Variants in AOPEP observed in about 807,000 individuals in gnomAD.
The protein encoded by AOPEP is aminopeptidase O.
In AOPEP, 77 loss-of-function variants were observed where a neutral mutation model predicts 98.1. The observed-to-expected ratio is 0.78, with a 90% CI of 0.65 to 0.95. The LOEUF (loss-of-function observed/expected upper bound fraction) is 0.95, where lower values mean the gene tolerates loss of function less well. Ranked by LOEUF, AOPEP falls within the 40% of genes least tolerant of loss-of-function variation. AOPEP has a pLI of 0.00. For missense variants in AOPEP, 1,024 were observed against 1,024.7 expected (o/e 1.00, Z 0.01); for synonymous variants, 346 against 365.3 (o/e 0.95, Z 0.60).
At chr9:94,834,463 G>C (rs1353817624) in intron 5 of AOPEP, among the ~76,000 whole-genome samples, 1 of 152,136 alleles carries the variant, frequency 6.6e-6, no homozygotes, top group Non-Finnish European at 1.5e-5. Context: ...ATTATTTAAG[G>C]TACAAGAATG....
chr9:94,773,399 A>G (rs1310832402), intron 3 of AOPEP: 2 of 385,048 alleles, frequency 5.2e-6, no homozygotes, highest in Non-Finnish European at 4.7e-6. Context: ...TTCATAGACT[A>G]TTTCAGCAGT....
chr9:95,146,624 T>C, the AOPEP span, among the ~76,000 whole-genome samples: 1 of 152,142 alleles, frequency 6.6e-6, no homozygotes, highest in Non-Finnish European at 1.5e-5. Context: ...CATGTATACC[T>C]TGAATTCGGA....
intron 5 of AOPEP, among the ~76,000 whole-genome samples, chr9:94,840,185 C>G (rs1406561196): frequency 6.6e-6 from 1 of 152,168 alleles, no homozygotes; most frequent in Non-Finnish European, 1.5e-5. Context: ...ACTCCTAATT[C>G]ACTGAGAAAT....
rs568328890 is a variant in AOPEP, at chr9:95,038,622, G to A, written c.2116-22072G>A. Among the ~76,000 whole-genome samples the A allele has an allele frequency of 7.2e-5, 11 of 152,338 alleles. No individual in the cohort carries two copies. The East Asian group carries it at 2.1e-3, about 29-fold the overall frequency. On this transcript the variant is annotated intron_variant, in intron 13 of 16. Coordinates refer to ENST00000375315, the MANE Select transcript of AOPEP (RefSeq NM_001193329.3). ...TCTCTACAACGCAAGCACATCAGGT[G>A]TGCTCTGCCTCCAAGGTGCCCTGCA...
At chr9:95,100,724 G>A in the AOPEP span, 116 of 227,110 alleles carry the variant, frequency 5.1e-4, no homozygotes, top group African/African-American at 2.3e-3. Context: ...CCCACCTCCC[G>A]GGTTCAAGAG....
intron 2 of AOPEP, among the ~76,000 whole-genome samples, chr9:94,762,773 C>T (rs559442637): frequency 6.0e-4 from 92 of 152,202 alleles, no homozygotes; most frequent in African/African-American, 2.0e-3. Flanking sequence ...CTCTCCCTTG[C>T]GCTGCAGAAT....
intron 14 of AOPEP, among the ~76,000 whole-genome samples, chr9:95,066,067 A>C (rs1413038205): frequency 6.6e-6 from 1 of 152,240 alleles, no homozygotes; most frequent in East Asian, 1.9e-4. Flanking sequence ...CTTTAGACAT[A>C]TCTTTTTACA....
chr9:95,085,103 A>C, intron 16 of AOPEP: 1 of 383,886 alleles, frequency 2.6e-6, no homozygotes, highest in Non-Finnish European at 5.3e-6. Context: ...AACAACAAAC[A>C]GAAACTCCAC....
chr9:95,051,337 C>T (rs1439627721), intron 13 of AOPEP, among the ~76,000 whole-genome samples: 1 of 151,944 alleles, frequency 6.6e-6, no homozygotes, highest in Admixed American at 6.6e-5. Context: ...ATCTATCTGC[C>T]TCGGCCTCCC....
intron 13 of AOPEP, among the ~76,000 whole-genome samples, chr9:95,025,196 T>C (rs1488094403): frequency 1.3e-5 from 2 of 152,328 alleles, no homozygotes; most frequent in South Asian, 2.1e-4. Context: ...GTCTTATGGC[T>C]GGGGCAGTCT....
At chr9:94,807,309 C>A (rs772990414) in intron 5 of AOPEP, among the ~76,000 whole-genome samples, 26 of 152,176 alleles carry the variant, frequency 1.7e-4, no homozygotes, top group Non-Finnish European at 3.2e-4. Context: ...TGATTCTTCA[C>A]CCTCTGAAAG....
At chr9:94,862,516 C>G (rs2045165041) in intron 5 of AOPEP, among the ~76,000 whole-genome samples, 1 of 152,216 alleles carries the variant, frequency 6.6e-6, no homozygotes, top group Non-Finnish European at 1.5e-5. Context: ...CTTGAACATG[C>G]TCTGTTCATT....
chr9:94,967,138 GTGTA>G (rs1220688675), intron 9 of AOPEP, among the ~76,000 whole-genome samples: 5 of 152,140 alleles, frequency 3.3e-5, no homozygotes, highest in African/African-American at 1.2e-4. Context: ...ATGTGCGTGT[GTGTA>G]TGTGTGTGTA....
chr9:95,073,412 G>A (rs1403849523), intron 14 of AOPEP, among the ~76,000 whole-genome samples: 1 of 151,930 alleles, frequency 6.6e-6, no homozygotes, highest in East Asian at 1.9e-4. Flanking sequence ...AGACACAGTG[G>A]GTTATGAAAT....
chr9:95,095,850 T>C, the AOPEP span, among the ~76,000 whole-genome samples: 1 of 139,726 alleles, frequency 7.2e-6, no homozygotes, highest in Non-Finnish European at 1.6e-5. Flanking sequence ...GGGGTGTGGG[T>C]GGGCCGGGAG....
chr9:94,932,344 G>A, intron 7 of AOPEP: 1 of 953,154 alleles, frequency 1.0e-6, no homozygotes, highest in Non-Finnish European at 1.2e-6. Context: ...AAAGTGAAAA[G>A]AGAAAAACTA....
At chr9:94,863,008 AT>A in intron 5 of AOPEP, among the ~76,000 whole-genome samples, 1 of 152,308 alleles carries the variant, frequency 6.6e-6, no homozygotes, top group East Asian at 1.9e-4. Context: ...TGTTTTCCAA[AT>A]TATTTTCAAA....
intron 10 of AOPEP, among the ~76,000 whole-genome samples, chr9:94,978,006 A>C (rs2059955075): frequency 6.6e-6 from 1 of 152,132 alleles, no homozygotes; most frequent in Non-Finnish European, 1.5e-5. Context: ...TGAGCGACCA[A>C]TAGGGGGAAA....
At chr9:94,829,404 C>G (rs1056199864) in intron 5 of AOPEP, among the ~76,000 whole-genome samples, 1 of 152,160 alleles carries the variant, frequency 6.6e-6, no homozygotes. Flanking sequence ...ACCACATACC[C>G]AACTGCAGTT....
Sources: gnomAD v4.1 joint callset for allele counts (sites outside exome capture counted in the v4.1 genomes callset) on GRCh38, gnomAD v4.1.1 for gene constraint, MANE v1.5 for transcripts, NCBI Gene and HGNC (gene_info 2026-07-23, HGNC 2026-07-21) for gene names.